Variants in INTS6 observed in about 807,000 individuals in gnomAD.
INTS6 encodes integrator complex subunit 6, also known as DEAD box protein.
A neutral mutation model predicts 104.9 loss-of-function variants in INTS6; 16 were observed. The observed-to-expected ratio is 0.15, with a 90% CI of 0.10 to 0.23. The LOEUF (loss-of-function observed/expected upper bound fraction) is 0.23, where lower values mean the gene tolerates loss of function less well. INTS6 is among the 10% of genes least tolerant of loss of function. The pLI, the probability that INTS6 is intolerant of heterozygous loss-of-function variation, is 1.00. For missense variants in INTS6, 584 were observed against 1,062.8 expected (o/e 0.55, Z 6.26); for synonymous variants, 324 against 358.7 (o/e 0.90, Z 1.09).
intron 4 of INTS6, among the ~76,000 whole-genome samples, chr13:51,429,158 G>C (rs1566243323): frequency 6.6e-6 from 1 of 152,154 alleles, no homozygotes. Context: ...CACATGCCCT[G>C]ACTCCATGTC....
chr13:51,339,859 G>A, the INTS6 span: 1 of 152,120 alleles, frequency 6.6e-6, no homozygotes, highest in Non-Finnish European at 1.5e-5. Context: ...GGTTATAAGA[G>A]CTGTGAGAAC....
intron 4 of INTS6, among the ~76,000 whole-genome samples, chr13:51,397,720 T>C (rs774185590): frequency 1.7e-4 from 26 of 152,182 alleles, no homozygotes; most frequent in South Asian, 4.1e-4. Context: ...TGGTACTGCG[T>C]GAAGTTTCAA....
At chr13:51,405,358 G>A (rs959238263) in intron 4 of INTS6, among the ~76,000 whole-genome samples, 1 of 152,114 alleles carries the variant, frequency 6.6e-6, no homozygotes, top group Non-Finnish European at 1.5e-5. Flanking sequence ...AGGAAAGAAA[G>A]AGGAAGTGTT....
chr13:51,375,677 A>C (rs1418317192), intron 13 of INTS6, among the ~76,000 whole-genome samples: 1 of 152,132 alleles, frequency 6.6e-6, no homozygotes, highest in Admixed American at 6.5e-5. Context: ...GTATTATCTC[A>C]AGAAAATGAT....
chr13:51,437,716 G>A (rs985312797), intron 3 of INTS6: 1 of 152,200 alleles, frequency 6.6e-6, no homozygotes, highest in African/African-American at 2.4e-5. Context: ...AATTGGGTAA[G>A]GCATAATGTG....
At chr13:51,389,063 G>A (rs772489446) in intron 6 of INTS6, among the ~76,000 whole-genome samples, 4 of 152,200 alleles carry the variant, frequency 2.6e-5, no homozygotes, top group Non-Finnish European at 4.4e-5. Context: ...GTTGCTTATC[G>A]ATAAATCTTT....
In INTS6 at chr13:51,452,264, C is replaced by T. The variant is rs1953077233; in HGVS notation, c.111+151G>A. Reference sequence around the variant, plus strand: ...CCCCGGCCGAACCCGGCTCGCAGCGCCCGCCCGCCCGCGCGGTGGGGGAGG... The same window carrying T: ...CCCCGGCCGAACCCGGCTCGCAGCGTCCGCCCGCCCGCGCGGTGGGGGAGG... On this transcript the variant is annotated intron_variant, in intron 1 of 17. Coordinates refer to ENST00000311234, the MANE Select transcript of INTS6 (RefSeq NM_012141.3). The surrounding 1 kb of genome is among the most constrained non-coding windows in gnomAD (Gnocchi z 4.2). 2 of 812,944 alleles carry T rather than the reference C, an allele frequency of 2.5e-6. No homozygotes were observed. Among genetic ancestry groups the T allele is most frequent in the Admixed American group, 5.0e-5 (1 of 20,180 alleles). The allele number at this position is 812,944 out of a possible 1,614,324, so 50.4% of individuals were successfully genotyped here. A position where few individuals can be genotyped will look rare whatever the true frequency, so the allele number is the denominator to read the frequency against.
Position 51,374,225 on chromosome 13 carries a change from G to A in INTS6, c.2087C>T (p.Pro696Leu), listed in dbSNP as rs752537093. 1.2e-6 allele frequency: 2 copies of A among 1,613,140 alleles called. No homozygotes were observed. The highest frequency in any genetic ancestry group is 2.2e-5 in the South Asian group (2 of 91,038). Residue 696 changes from proline to leucine, a missense_variant, in exon 15 of 18, where the codon CCT becomes CTT. By Grantham distance (98) the Pro-to-Leu change is moderately conservative (BLOSUM62 -3). This residue lies in a region of INTS6 where 296 missense variants were observed against 437.0 expected (regional missense o/e 0.68). Transcript: ENST00000311234. Reference sequence around the variant, plus strand: ...ATTCTTACTTTTATGAAGAGGAAGAGGTTTAATAAGATCTGGCTGTGCTTG... The same window carrying A: ...ATTCTTACTTTTATGAAGAGGAAGAAGTTTAATAAGATCTGGCTGTGCTTG... ...TTQAQPDLIK[P>L]LPLHKISETT...
chr13:51,423,151 G>C (rs1956925568), intron 4 of INTS6: 1 of 738,364 alleles, frequency 1.4e-6, no homozygotes, highest in South Asian at 1.9e-5. Context: ...CTTATACACA[G>C]CCAAAGTAAC....
At chr13:51,357,692 A>C (rs901679716), downstream of INTS6, among the ~76,000 whole-genome samples, 7 of 151,740 alleles carry the variant, frequency 4.6e-5, no homozygotes, top group Admixed American at 3.3e-4. Context: ...TTGATACTAG[A>C]TGTTATGCAG....
At chr13:51,409,268 A>C (rs1956637145) in intron 4 of INTS6, among the ~76,000 whole-genome samples, 1 of 42,572 alleles carries the variant, frequency 2.3e-5, no homozygotes, top group African/African-American at 1.4e-4. Flanking sequence ...GTCTCAAATA[A>C]TAATAATAAT....
intron 10 of INTS6, among the ~76,000 whole-genome samples, chr13:51,381,803 A>G (rs1956054840): frequency 6.6e-6 from 1 of 151,838 alleles, no homozygotes; most frequent in South Asian, 2.1e-4. Context: ...TCCGGTTTCA[A>G]GCGATTCTCC....
chr13:51,432,851 A>G (rs574959416), intron 3 of INTS6, among the ~76,000 whole-genome samples: 2 of 152,316 alleles, frequency 1.3e-5, no homozygotes, highest in South Asian at 2.1e-4. Context: ...AGTGGTTACT[A>G]TTAAGTGTAT....
At chr13:51,376,325 T>A in intron 12 of INTS6, 151 bp from the exon 13 acceptor site, 1 of 580,928 alleles carries the variant, frequency 1.7e-6, no homozygotes. Flanking sequence ...ATAATCTTAA[T>A]GTACCGGTTC....
intron 3 of INTS6, among the ~76,000 whole-genome samples, chr13:51,354,698 G>C (rs765858975): frequency 2.6e-5 from 4 of 152,098 alleles, no homozygotes; most frequent in African/African-American, 9.7e-5. Flanking sequence ...TCTATATATC[G>C]TAAGAGCAGA....
intron 4 of INTS6, among the ~76,000 whole-genome samples, chr13:51,399,702 TTGTGGGTGTG>T (rs982229889): frequency 1.3e-5 from 2 of 149,708 alleles, no homozygotes; most frequent in Non-Finnish European, 3.0e-5. Context: ...ATGTTAGCCA[TTGTGGGTGTG>T]TGTGTGTGTG....
the INTS6 span, chr13:51,347,161 C>T: frequency 6.2e-7 from 1 of 1,613,878 alleles, no homozygotes. Flanking sequence ...ACACACAGAT[C>T]CTGCCTTTCA....
At chr13:51,431,516 A>G (rs1347166196) in intron 3 of INTS6, among the ~76,000 whole-genome samples, 1 of 152,222 alleles carries the variant, frequency 6.6e-6, no homozygotes, top group African/African-American at 2.4e-5. Context: ...TTATAAACAT[A>G]TAATATTCTA....
In INTS6 at chr13:51,449,699, C is replaced by T. The variant is rs1222855386; in HGVS notation, c.339+1326G>A. On this transcript the variant is annotated intron_variant, in intron 3 of 17. Coordinates refer to ENST00000311234, the MANE Select transcript of INTS6 (RefSeq NM_012141.3). ...AACCTTAAGCAGTAAGACTGTGTTG[C>T]ACTACATATCACAAAGGAATATAAA... 7.1e-6 allele frequency: 7 copies of T among 985,116 alleles called. No individual in the cohort carries two copies. The South Asian group carries it at 3.3e-4, about 46-fold the overall frequency. The allele number at this position is 985,116 out of a possible 1,614,324, so 61.0% of individuals were successfully genotyped here. A position where few individuals can be genotyped will look rare whatever the true frequency, so the allele number is the denominator to read the frequency against.
Sources: allele counts gnomAD v4.1 joint callset (sites outside exome capture counted in the v4.1 genomes callset), GRCh38; gene constraint gnomAD v4.1.1; regional missense constraint gnomAD v4.1.1; non-coding constraint Gnocchi (gnomAD v3.1); transcripts MANE v1.5; gene names NCBI Gene and HGNC (gene_info 2026-07-23, HGNC 2026-07-21).